Variants in NRP1 observed in about 807,000 individuals in gnomAD.
NRP1 encodes the protein neuropilin-1.
NRP1 carries 35 observed loss-of-function variants against 106.7 expected under a neutral mutation model. The observed-to-expected ratio is 0.33, with a 90% CI of 0.25 to 0.43. NRP1 has a LOEUF of 0.43. NRP1 is among the 20% of genes least tolerant of loss of function. The probability of loss-of-function intolerance (pLI) is 1.00; values close to 1 mark genes in which losing one functional copy is unlikely to be tolerated. For synonymous variants in NRP1, 437 were observed against 417.9 expected, an observed-to-expected ratio of 1.05 and a Z score of -0.56; for missense variants, 1,024 against 1,170.4, an observed-to-expected ratio of 0.87 and a Z score of 1.83.
intron 2 of NRP1, among the ~76,000 whole-genome samples, chr10:33,329,981 C>T (rs571346312): frequency 3.3e-5 from 5 of 152,208 alleles, no homozygotes; most frequent in African/African-American, 4.8e-5. Flanking sequence ...TTCATAATAA[C>T]GAAATTGGGC....
At chr10:33,328,240 A>G (rs766657854) in intron 2 of NRP1, among the ~76,000 whole-genome samples, 47 of 152,174 alleles carry the variant, frequency 3.1e-4, no homozygotes, top group Non-Finnish European at 1.9e-4. Flanking sequence ...CTTTAATCCC[A>G]TTATACCCCA....
chr10:33,195,666 C>A, intron 12 of NRP1: 1 of 480,724 alleles, frequency 2.1e-6, no homozygotes. Flanking sequence ...TTGAAGCATG[C>A]TCAAGTCCCC....
chr10:33,228,560 C>T (rs1416434501), intron 6 of NRP1, among the ~76,000 whole-genome samples: 1 of 152,168 alleles, frequency 6.6e-6, no homozygotes, highest in African/African-American at 2.4e-5. Flanking sequence ...GCACAGCCTG[C>T]CTCATGGAGG....
intron 2 of NRP1, among the ~76,000 whole-genome samples, chr10:33,283,828 G>T (rs777106170): frequency 6.6e-6 from 1 of 152,214 alleles, no homozygotes; most frequent in Non-Finnish European, 1.5e-5. Flanking sequence ...AAGAGCAGGA[G>T]CACCATCTCA....
At chr10:33,302,737 G>A (rs766850317) in intron 2 of NRP1, among the ~76,000 whole-genome samples, 2 of 152,214 alleles carry the variant, frequency 1.3e-5, no homozygotes, top group Non-Finnish European at 2.9e-5. Flanking sequence ...GCAAACATCA[G>A]TTCAGAATAT....
At chr10:33,194,867 A>C (rs561466635) in intron 12 of NRP1, 162 of 435,232 alleles carry the variant, frequency 3.7e-4, no homozygotes, top group African/African-American at 3.2e-3. Context: ...AGAAAGGGAG[A>C]GAGAAAAGGA....
At chr10:33,263,097 A>T (rs1208290956) in intron 4 of NRP1, among the ~76,000 whole-genome samples, 5 of 152,234 alleles carry the variant, frequency 3.3e-5, no homozygotes, top group Non-Finnish European at 7.3e-5. Flanking sequence ...ATCTGTAGAG[A>T]ATGTACAGGG....
At chr10:33,182,898 A>G in intron 15 of NRP1, 150 bp from the exon 16 acceptor site, 1 of 698,264 alleles carries the variant, frequency 1.4e-6, no homozygotes, top group South Asian at 1.6e-5. Context: ...TTTTAGTTCA[A>G]TCAGAAATCA....
chr10:33,301,216 G>A (rs1564469270), intron 2 of NRP1, among the ~76,000 whole-genome samples: 3 of 152,292 alleles, frequency 2.0e-5, no homozygotes, highest in East Asian at 3.9e-4. Context: ...ACTGAATGTC[G>A]AGGGCTTGAC....
intron 2 of NRP1, among the ~76,000 whole-genome samples, chr10:33,327,960 C>G (rs1848007585): frequency 6.6e-6 from 1 of 152,128 alleles, no homozygotes; most frequent in South Asian, 2.1e-4. Context: ...TTGACTTCAT[C>G]AGGCTAAATA....
Position 33,256,432 on chromosome 10 carries a change from G to A in NRP1, c.698C>T (p.Pro233Leu). 6.2e-7 allele frequency: 1 copy of A among 1,614,182 alleles called. No homozygotes were observed. ...GCCCGATGAGGATCGGATTCGACCT[G>A]GTGTTTTCTGTCCACAGTAACGCCC... is the stretch of plus-strand genomic sequence containing the variant. ...HIGRYCGQKT[P>L]GRIRSSSGIL... The change falls in exon 5 of 17, where the codon CCA (proline) becomes CTA (leucine). Residue 233 changes from proline (P) to leucine (L), a missense_variant. By Grantham distance (98) the Pro-to-Leu change is moderately conservative (BLOSUM62 -3). This residue lies in a region of NRP1 where 279 missense variants were observed against 327.4 expected (regional missense o/e 0.85). Coordinates refer to ENST00000374867, the MANE Select transcript of NRP1 (RefSeq NM_003873.7).
chr10:33,238,576 T>C (rs78910353), intron 6 of NRP1, among the ~76,000 whole-genome samples: 3,573 of 152,110 alleles, frequency 0.023, 73 homozygotes, highest in Non-Finnish European at 0.03. Context: ...AGTGAACAGA[T>C]TGCATTAAAA....
intron 8 of NRP1, among the ~76,000 whole-genome samples, chr10:33,220,591 T>C (rs967365200): frequency 4.6e-5 from 7 of 152,060 alleles, no homozygotes; most frequent in African/African-American, 1.7e-4. Context: ...TATAGCATAG[T>C]CATGCAAGAA....
At chr10:33,233,269 G>A (rs558488892) in intron 6 of NRP1, among the ~76,000 whole-genome samples, 1 of 152,108 alleles carries the variant, frequency 6.6e-6, no homozygotes, top group African/African-American at 2.4e-5. Flanking sequence ...CCTCCCCACG[G>A]CACTGGGTTC....
chr10:33,263,794 G>T lies in NRP1; in HGVS notation c.510C>A (p.Ser170Arg). ...CAAAGACAATATAAGTGCATTCAAGGCTGTTGGGATATTTTTCAGGGAATC... is the reference window on the plus strand; with the variant it reads ...CAAAGACAATATAAGTGCATTCAAGTCTGTTGGGATATTTTTCAGGGAATC... Reference protein sequence around the residue: ...SPGFPEKYPNSLECTYIVFVP... With the variant: ...SPGFPEKYPNRLECTYIVFVP... The change falls in exon 4 of 17, where the codon AGC becomes AGA. Residue 170 changes from serine to arginine, a missense_variant. Physicochemically the swap from Ser to Arg is moderately radical, Grantham distance 110. Transcript: ENST00000374867. 1 of 1,613,642 alleles carries T rather than the reference G, an allele frequency of 6.2e-7. No homozygotes were observed. The highest frequency in any genetic ancestry group is 8.5e-7 in the Non-Finnish European group (1 of 1,179,610).
chr10:33,202,354 C>T (rs756633081), intron 11 of NRP1: 20 of 281,978 alleles, frequency 7.1e-5, no homozygotes, highest in Non-Finnish European at 1.1e-4. Flanking sequence ...ATTTGCTGGT[C>T]GGTGGTGATG....
intron 13 of NRP1, among the ~76,000 whole-genome samples, chr10:33,188,936 T>TATATATAA (rs543920885): frequency 7.0e-6 from 1 of 143,344 alleles, no homozygotes; most frequent in African/African-American, 2.7e-5. Flanking sequence ...TATATATATA[T>TATATATAA]AAATTAAAAC....
intron 6 of NRP1, among the ~76,000 whole-genome samples, chr10:33,238,920 T>TGTGTGA (rs1334226541): frequency 6.6e-6 from 1 of 151,738 alleles, no homozygotes; most frequent in Non-Finnish European, 1.5e-5. Flanking sequence ...TGTGTGTGTG[T>TGTGTGA]GTGTGTGTGT....
chr10:33,311,248 A>AGCTGGGGGTTACC (rs1235784350), intron 2 of NRP1, among the ~76,000 whole-genome samples: 3 of 152,206 alleles, frequency 2.0e-5, no homozygotes, highest in African/African-American at 4.8e-5. Flanking sequence ...AGAGGGTTAC[A>AGCTGGGGGTTACC]AGTAGAGAGC....
Sources: gnomAD v4.1 joint callset for allele counts (sites outside exome capture counted in the v4.1 genomes callset) on GRCh38, gnomAD v4.1.1 for gene constraint, gnomAD v4.1.1 regional missense constraint, MANE v1.5 for transcripts, NCBI Gene and HGNC (gene_info 2026-07-23, HGNC 2026-07-21) for gene names.